Variants in CEP63 observed in about 807,000 individuals in gnomAD.
CEP63 encodes the protein centrosomal protein of 63 kDa.
A neutral mutation model predicts 89.1 loss-of-function variants in CEP63; 84 were observed. The observed-to-expected ratio is 0.94, with a 90% CI of 0.79 to 1.13. CEP63 has a LOEUF of 1.13. Ranked by LOEUF, CEP63 falls within the 50% of genes most tolerant of loss-of-function variation. CEP63 has a pLI of 0.00. For synonymous variants in CEP63, 267 were observed against 272.5 expected (o/e 0.98, Z 0.20); for missense variants, 838 against 813.3 (o/e 1.03, Z -0.37).
chr3:134,495,600 A>G (rs1286728424), intron 2 of CEP63, among the ~76,000 whole-genome samples: 1 of 152,194 alleles, frequency 6.6e-6, no homozygotes, highest in Non-Finnish European at 1.5e-5. Flanking sequence ...TGTGCTAGTC[A>G]CCCGACTGTG....
chr3:134,613,679 T>C, the CEP63 span, among the ~76,000 whole-genome samples: 1 of 152,368 alleles, frequency 6.6e-6, no homozygotes, highest in Non-Finnish European at 1.5e-5. Flanking sequence ...AACTCAGTTA[T>C]AAGCTTATGC....
At chr3:134,599,674 A>G in the CEP63 span, among the ~76,000 whole-genome samples, 1 of 152,252 alleles carries the variant, frequency 6.6e-6, no homozygotes, top group Non-Finnish European at 1.5e-5. Context: ...ATTCAATGAA[A>G]GAAACAGTGC....
chr3:134,523,630 G>C (rs896237556), intron 3 of CEP63, among the ~76,000 whole-genome samples: 1 of 152,042 alleles, frequency 6.6e-6, no homozygotes, highest in Non-Finnish European at 1.5e-5. Flanking sequence ...TCCCAGCACC[G>C]TTTATTGAAT....
the CEP63 span, among the ~76,000 whole-genome samples, chr3:134,652,917 T>TG: frequency 1.3e-5 from 2 of 152,134 alleles, no homozygotes; most frequent in Non-Finnish European, 2.9e-5. Flanking sequence ...TTGGTGATGG[T>TG]GGGGGGAGCT....
intron 11 of CEP63, among the ~76,000 whole-genome samples, chr3:134,571,140 C>A (rs1957993019): frequency 6.6e-6 from 1 of 152,176 alleles, no homozygotes; most frequent in African/African-American, 2.4e-5. Flanking sequence ...AAGAATATGC[C>A]AAAACAGAAT....
At chr3:134,637,760 C>T in the CEP63 span, among the ~76,000 whole-genome samples, 1 of 152,244 alleles carries the variant, frequency 6.6e-6, no homozygotes, top group South Asian at 2.1e-4. Context: ...TCCTGCGTTA[C>T]ATGCCCTGAG....
the CEP63 span, among the ~76,000 whole-genome samples, chr3:134,602,939 C>CAGCTTCCAGCCAGTTGTGG: frequency 6.6e-6 from 1 of 152,226 alleles, no homozygotes; most frequent in Non-Finnish European, 1.5e-5. Flanking sequence ...TGGAGACGAT[C>CAGCTTCCAGCCAGTTGTGG]AGCTTCCAGC....
chr3:134,668,136 A>C, the CEP63 span, among the ~76,000 whole-genome samples: 1 of 152,178 alleles, frequency 6.6e-6, no homozygotes, highest in Admixed American at 6.5e-5. Context: ...ACCGCCTCAC[A>C]TCAGACCTCA....
the CEP63 span, among the ~76,000 whole-genome samples, chr3:134,669,822 G>T: frequency 6.6e-6 from 1 of 152,150 alleles, no homozygotes; most frequent in Non-Finnish European, 1.5e-5. Flanking sequence ...AGGTTTTAAT[G>T]GTTACCAACT....
chr3:134,522,810 A>G (rs1319488419), intron 3 of CEP63, among the ~76,000 whole-genome samples: 1 of 152,106 alleles, frequency 6.6e-6, no homozygotes, highest in Non-Finnish European at 1.5e-5. Context: ...CCATTGATGG[A>G]CATTTAGGTT....
At chr3:134,535,004 C>T (rs1950512936) in intron 5 of CEP63, among the ~76,000 whole-genome samples, 2 of 152,152 alleles carry the variant, frequency 1.3e-5, no homozygotes, top group African/African-American at 4.8e-5. Flanking sequence ...CTTTTCTACC[C>T]AAGGCATTAC....
intron 6 of CEP63, among the ~76,000 whole-genome samples, chr3:134,544,346 C>T: frequency 6.6e-6 from 1 of 152,142 alleles, no homozygotes; most frequent in Non-Finnish European, 1.5e-5. Context: ...GGAGCTAAAA[C>T]CCAATACTGC....
intron 10 of CEP63, among the ~76,000 whole-genome samples, chr3:134,585,706 G>A (rs1223915318): frequency 6.6e-6 from 1 of 152,130 alleles, no homozygotes; most frequent in East Asian, 1.9e-4. Flanking sequence ...TGTCTATTAG[G>A]TCTGCTTGGT....
chr3:134,647,143 C>A, the CEP63 span, among the ~76,000 whole-genome samples: 1 of 152,194 alleles, frequency 6.6e-6, no homozygotes, highest in Admixed American at 6.5e-5. Flanking sequence ...TCAAACCTCA[C>A]CATCCCAAGG....
rs1957597456 is a variant in CEP63, at chr3:134,564,293, G to A, written c.*2758G>A. 3.0e-6 allele frequency: 3 copies of A among 985,306 alleles called. No individual in the cohort carries two copies. The highest frequency in any genetic ancestry group is 9.4e-5 in the South Asian group (2 of 21,290). The allele number at this position is 985,306 out of a possible 1,614,324, so 61.0% of individuals were successfully genotyped here. ...ACCACATCGTTTCTTTTGTGTTGGT[G>A]TGCATGCTGTCCTTCAGTTTGTCTC... On this transcript the variant is annotated 3_prime_UTR_variant, in exon 15 of 15. Transcript: ENST00000675561.
chr3:134,519,813 CA>C (rs1258951213), intron 3 of CEP63, among the ~76,000 whole-genome samples: 1 of 152,076 alleles, frequency 6.6e-6, no homozygotes, highest in Non-Finnish European at 1.5e-5. Flanking sequence ...ATCATATTAT[CA>C]GAGGAAAAAA....
the CEP63 span, among the ~76,000 whole-genome samples, chr3:134,671,179 T>C: frequency 1.3e-5 from 2 of 152,248 alleles, no homozygotes; most frequent in African/African-American, 4.8e-5. Context: ...ATCATGTCCT[T>C]TGCAGCAACA....
At chr3:134,531,411 T>G (rs1319959026) in intron 3 of CEP63, among the ~76,000 whole-genome samples, 1 of 152,074 alleles carries the variant, frequency 6.6e-6, no homozygotes, top group Non-Finnish European at 1.5e-5. Flanking sequence ...GGGGAAACCC[T>G]GTCTCTACTA....
the CEP63 span, among the ~76,000 whole-genome samples, chr3:134,648,105 G>A: frequency 7.9e-5 from 12 of 152,248 alleles, no homozygotes; most frequent in African/African-American, 2.9e-4. Flanking sequence ...GTAGCCGCAA[G>A]GTCGAGTTCC....
Sources: allele counts gnomAD v4.1 joint callset (sites outside exome capture counted in the v4.1 genomes callset), GRCh38; gene constraint gnomAD v4.1.1; transcripts MANE v1.5; gene names NCBI Gene and HGNC (gene_info 2026-07-23, HGNC 2026-07-21).